The following CNOT6L variants were observed in gnomAD, a reference collection of about 807,000 sequenced individuals.
The protein encoded by CNOT6L is CCR4-NOT transcription complex subunit 6 like.
A neutral mutation model predicts 64.0 loss-of-function variants in CNOT6L; 7 were observed. The observed-to-expected ratio is 0.11, with a 90% CI of 0.06 to 0.21. CNOT6L has a LOEUF of 0.21. Ranked by LOEUF, CNOT6L falls within the 10% of genes least tolerant of loss-of-function variation. CNOT6L has a pLI of 1.00. For synonymous variants in CNOT6L, 193 were observed against 243.4 expected (o/e 0.79, Z 1.93); for missense variants, 245 against 669.0 (o/e 0.37, Z 6.99).
At position 77,715,633 on chromosome 4, in the gene CNOT6L, G is replaced by GT. The variant is rs1465464203; in HGVS notation, c.*4797dup. ...TAATAGAGACATTTACATAAAAAAGGTATTTGGTTAAAACAAGAAATATGC... is the reference window on the plus strand; with the variant it reads ...TAATAGAGACATTTACATAAAAAAGGTTATTTGGTTAAAACAAGAAATATGC... On this transcript the variant is annotated 3_prime_UTR_variant, in exon 12 of 12. Transcript: ENST00000504123. 2 of 152,466 alleles carry GT rather than the reference G, an allele frequency of 1.3e-5. No individual in the cohort carries two copies. Among genetic ancestry groups the GT allele is most frequent in the East Asian group, 3.9e-4 (2 of 5,188 alleles). 9.4% of individuals were successfully genotyped at this position (152,466 alleles called of 1,614,324 possible).
intron 1 of CNOT6L, among the ~76,000 whole-genome samples, chr4:77,807,773 A>T (rs1167769506): frequency 6.6e-6 from 1 of 152,208 alleles, no homozygotes; most frequent in Non-Finnish European, 1.5e-5. Flanking sequence ...TTTAAAAGTA[A>T]TAGGAAGCAG....
chr4:77,780,120 A>C (rs1728694864), intron 1 of CNOT6L, among the ~76,000 whole-genome samples: 1 of 152,244 alleles, frequency 6.6e-6, no homozygotes, highest in Admixed American at 6.5e-5. Flanking sequence ...AAATTATGAA[A>C]TAAATTATTC....
chr4:77,801,455 A>T (rs937234417), intron 1 of CNOT6L, among the ~76,000 whole-genome samples: 1 of 152,098 alleles, frequency 6.6e-6, no homozygotes, highest in Non-Finnish European at 1.5e-5. Flanking sequence ...GCTAACCAAT[A>T]CAGAATAATT....
intron 4 of CNOT6L, among the ~76,000 whole-genome samples, chr4:77,761,718 A>C (rs1726263630): frequency 6.6e-6 from 1 of 152,202 alleles, no homozygotes; most frequent in Admixed American, 6.5e-5. Flanking sequence ...GAACAAGGTA[A>C]GGATGTGCAC....
chr4:77,783,991 C>A (rs1433879475), intron 1 of CNOT6L, among the ~76,000 whole-genome samples: 1 of 151,388 alleles, frequency 6.6e-6, no homozygotes. Context: ...GCAATAAAGT[C>A]CCTAGATGAA....
intron 8 of CNOT6L, among the ~76,000 whole-genome samples, chr4:77,741,094 C>T (rs1195757907): frequency 6.6e-6 from 1 of 152,088 alleles, no homozygotes; most frequent in Non-Finnish European, 1.5e-5. Context: ...TTCTAAAATG[C>T]ATAAAAAATT....
intron 8 of CNOT6L, among the ~76,000 whole-genome samples, chr4:77,737,087 C>T (rs1450831540): frequency 6.6e-6 from 1 of 152,088 alleles, no homozygotes; most frequent in African/African-American, 2.4e-5. Context: ...CTATGAGAAA[C>T]TAAAGCAATC....
At chr4:77,751,964 G>A (rs1366198625) in intron 5 of CNOT6L, among the ~76,000 whole-genome samples, 2 of 152,138 alleles carry the variant, frequency 1.3e-5, no homozygotes, top group African/African-American at 4.8e-5. Context: ...TTGAGGCCAG[G>A]AGTTTAAGAC....
intron 1 of CNOT6L, among the ~76,000 whole-genome samples, chr4:77,814,706 T>C (rs1733360352): frequency 6.6e-6 from 1 of 152,158 alleles, no homozygotes; most frequent in African/African-American, 2.4e-5. Context: ...AATCTTCCCT[T>C]TGGGAAATAA....
intron 1 of CNOT6L, among the ~76,000 whole-genome samples, chr4:77,777,653 T>C (rs1728302154): frequency 1.3e-5 from 2 of 152,208 alleles, no homozygotes; most frequent in African/African-American, 2.4e-5. Context: ...AGTATTTATA[T>C]TGGGTTCTTT....
intron 10 of CNOT6L, among the ~76,000 whole-genome samples, chr4:77,727,562 C>CAAAAAAAAAAA (rs55848621): frequency 4.7e-5 from 4 of 84,590 alleles, no homozygotes; most frequent in Non-Finnish European, 8.9e-5. Context: ...AACTCTGTCT[C>CAAAAAAAAAAA]AAAAAAAAAA....
intron 11 of CNOT6L, among the ~76,000 whole-genome samples, chr4:77,721,771 G>T (rs1021678988): frequency 6.6e-6 from 1 of 151,984 alleles, no homozygotes; most frequent in South Asian, 2.1e-4. Flanking sequence ...AGGAGTTCAA[G>T]ACCAGCCTGG....
At chr4:77,797,116 A>AAAAAG (rs1730943670) in intron 1 of CNOT6L, among the ~76,000 whole-genome samples, 1 of 150,452 alleles carries the variant, frequency 6.6e-6, no homozygotes, top group Non-Finnish European at 1.5e-5. Flanking sequence ...AAAAAAAAAA[A>AAAAAG]AAAAAAAAAA....
intron 1 of CNOT6L, among the ~76,000 whole-genome samples, chr4:77,791,678 T>C (rs559095188): frequency 6.6e-6 from 1 of 152,328 alleles, no homozygotes; most frequent in African/African-American, 2.4e-5. Flanking sequence ...AAGTTTTTTT[T>C]CATATTCTGA....
At chr4:77,788,428 TATA>T (rs1369356748) in intron 1 of CNOT6L, among the ~76,000 whole-genome samples, 1 of 152,254 alleles carries the variant, frequency 6.6e-6, no homozygotes, top group African/African-American at 2.4e-5. Flanking sequence ...AAGAACATAT[TATA>T]ATAATAGGCA....
intron 5 of CNOT6L, among the ~76,000 whole-genome samples, chr4:77,755,272 G>T (rs1013609379): frequency 8.7e-6 from 1 of 115,466 alleles, no homozygotes. Context: ...ACGGAGTCTC[G>T]CTCTGTCGCC....
intron 6 of CNOT6L, among the ~76,000 whole-genome samples, chr4:77,746,949 C>T (rs889941135): frequency 6.6e-6 from 1 of 150,420 alleles, no homozygotes; most frequent in African/African-American, 2.5e-5. Context: ...CTGAAAGACA[C>T]AAAAATGTAC....
Position 77,717,801 on chromosome 4 carries a change from T to C in CNOT6L, c.*2630A>G, listed in dbSNP as rs1720905048. ...TGGGCAGTGGGCTAAAGGGAAACCG[T>C]GCACATGAAATTTGGGTTACCATGC... On this transcript the variant is annotated 3_prime_UTR_variant, in exon 12 of 12. Transcript: ENST00000504123. The C allele has an allele frequency of 6.6e-6, 1 of 152,540 alleles. No individual in the cohort carries two copies. Among genetic ancestry groups the C allele is most frequent in the Non-Finnish European group, 1.5e-5 (1 of 68,022 alleles). 9.4% of individuals were successfully genotyped at this position (152,540 alleles called of 1,614,324 possible).
chr4:77,754,779 G>T (rs954354702), intron 5 of CNOT6L, among the ~76,000 whole-genome samples: 3 of 147,424 alleles, frequency 2.0e-5, no homozygotes, highest in South Asian at 4.4e-4. Flanking sequence ...TTATGACAAA[G>T]ATGACATTAA....
Sources: gnomAD v4.1 joint callset for allele counts (sites outside exome capture counted in the v4.1 genomes callset) on GRCh38, gnomAD v4.1.1 for gene constraint, MANE v1.5 for transcripts, NCBI Gene and HGNC (gene_info 2026-07-23, HGNC 2026-07-21) for gene names.